ITGB3: variants seen among roughly 807,000 people sequenced by gnomAD.
The protein encoded by ITGB3 is integrin subunit beta 3.
A neutral mutation model predicts 85.8 loss-of-function variants in ITGB3; 48 were observed. The ratio of observed to expected loss-of-function variants is 0.56; its 90% confidence interval spans 0.44 to 0.71. ITGB3 has a LOEUF of 0.71. Ranked by LOEUF, ITGB3 falls within the 30% of genes least tolerant of loss-of-function variation. The probability of loss-of-function intolerance (pLI) is 0.00; values close to 1 mark genes in which losing one functional copy is unlikely to be tolerated. For synonymous variants in ITGB3, 363 were observed against 395.6 expected (o/e 0.92, Z 0.98); for missense variants, 861 against 1,019.1 (o/e 0.84, Z 2.11).
chr17:47,269,431 C>G (rs948051762), intron 1 of ITGB3, among the ~76,000 whole-genome samples: 6 of 152,136 alleles, frequency 3.9e-5, no homozygotes, highest in African/African-American at 1.4e-4. Context: ...GACAGATCCC[C>G]TAAATCATCT....
At chr17:47,275,638 A>G (rs2065060888) in intron 2 of ITGB3, among the ~76,000 whole-genome samples, 1 of 151,926 alleles carries the variant, frequency 6.6e-6, no homozygotes, top group African/African-American at 2.4e-5. Flanking sequence ...TAAAAAGGCA[A>G]CCTCCCTGGC....
intron 1 of ITGB3, among the ~76,000 whole-genome samples, chr17:47,272,056 AT>A (rs58156465): frequency 0.089 from 9,206 of 103,240 alleles, 428 homozygotes; most frequent in East Asian, 0.29. Flanking sequence ...CACCGGGGCT[AT>A]TTTTTTTTTT....
At chr17:47,269,921 T>A (rs370183143) in intron 1 of ITGB3, among the ~76,000 whole-genome samples, 4 of 152,316 alleles carry the variant, frequency 2.6e-5, no homozygotes, top group Admixed American at 6.5e-5. Flanking sequence ...TGACTCACAG[T>A]TTAGCATGGC....
intron 2 of ITGB3, among the ~76,000 whole-genome samples, chr17:47,280,856 A>G (rs1275469854): frequency 7.2e-5 from 11 of 151,992 alleles, no homozygotes. Flanking sequence ...TTCCTTCCAC[A>G]CTTTTCCTTT....
intron 1 of ITGB3, among the ~76,000 whole-genome samples, chr17:47,268,826 C>G (rs1305621490): frequency 6.6e-6 from 1 of 152,212 alleles, no homozygotes; most frequent in South Asian, 2.1e-4. Context: ...GTGGGGGGCT[C>G]TATGTGGGGG....
In ITGB3 at chr17:47,292,244, A is replaced by C. The variant is rs1598694640; in HGVS notation, c.1366A>C (p.Thr456Pro). The C allele has an allele frequency of 8.1e-6, 13 of 1,614,190 alleles. No homozygotes were observed. Among genetic ancestry groups the C allele is most frequent in the Non-Finnish European group, 1.1e-5 (13 of 1,180,018 alleles). Residue 456 changes from threonine to proline, a missense_variant, in exon 10 of 15, where the codon ACC (threonine) becomes CCC (proline). Transcript: ENST00000559488. ...GFKDSLIVQV[T>P]FDCDCACQAQ... ...CAAGGACAGCCTGATCGTCCAGGTC[A>C]CCTTTGATTGTGACTGTGCCTGCCA... is the stretch of plus-strand genomic sequence containing the variant.
At chr17:47,283,613 G>A in intron 3 of ITGB3, 64 bp downstream of exon 3, 1 of 1,498,340 alleles carries the variant, frequency 6.7e-7, no homozygotes, top group Non-Finnish European at 9.3e-7. Context: ...CAAGGTGGAG[G>A]TCTGAGGAGG....
chr17:47,280,893 G>A (rs1192283915), intron 2 of ITGB3, among the ~76,000 whole-genome samples: 1 of 152,050 alleles, frequency 6.6e-6, no homozygotes, highest in Non-Finnish European at 1.5e-5. Context: ...CACTCTATAC[G>A]GAATGTAGTA....
intron 1 of ITGB3, among the ~76,000 whole-genome samples, chr17:47,265,063 G>A (rs932262657): frequency 6.6e-6 from 1 of 152,140 alleles, no homozygotes; most frequent in Non-Finnish European, 1.5e-5. Flanking sequence ...AATATTTGTC[G>A]AGTAAATGAA....
intron 1 of ITGB3, 109 bp downstream of exon 1, chr17:47,254,049 C>G (rs2064978267): frequency 1.5e-6 from 1 of 681,486 alleles, no homozygotes; most frequent in Non-Finnish European, 2.1e-6. Context: ...CGCGCGTCTG[C>G]GCTGGGAATG....
At chr17:47,288,643 C>G (rs1226434820) in intron 6 of ITGB3, among the ~76,000 whole-genome samples, 1 of 152,132 alleles carries the variant, frequency 6.6e-6, no homozygotes, top group African/African-American at 2.4e-5. Flanking sequence ...TTCACCACCG[C>G]CCCCGCACAG....
chr17:47,305,063 T>C (rs2065182329), intron 13 of ITGB3, among the ~76,000 whole-genome samples: 1 of 152,174 alleles, frequency 6.6e-6, no homozygotes, highest in African/African-American at 2.4e-5. Flanking sequence ...CCCAAACTCC[T>C]TTCAGGACAC....
chr17:47,290,274 G>A lies in ITGB3; in HGVS notation c.1125G>A (p.Gly375=). The change falls in exon 8 of 15, where the codon GGG becomes GGA. Residue 375 remains glycine (G), a splice_region_variant and synonymous_variant. Transcript: ENST00000559488. ...TCCAGCTCATTGTTGATGCTTATGG[G>A]GTAAGTGTCTTGTGCTGGGAATAGT... ...NVLQLIVDAY[G]KIRSKVELEV... 1 of 1,612,724 alleles carries A rather than the reference G, an allele frequency of 6.2e-7. No individual in the cohort carries two copies. The highest frequency in any genetic ancestry group is 1.1e-5 in the South Asian group (1 of 91,044).
chr17:47,264,444 A>G (rs1014969437), intron 1 of ITGB3, among the ~76,000 whole-genome samples: 3 of 152,172 alleles, frequency 2.0e-5, no homozygotes, highest in Non-Finnish European at 2.9e-5. Flanking sequence ...TGCCTGGATT[A>G]TTTTAGTACA....
chr17:47,259,818 G>C (rs2065002996), intron 1 of ITGB3, among the ~76,000 whole-genome samples: 1 of 152,174 alleles, frequency 6.6e-6, no homozygotes. Flanking sequence ...AGAATCGCTT[G>C]AACCCAGGAG....
chr17:47,308,189 A>ATAATAATAATAATAATAATAAT (rs1555574002), intron 14 of ITGB3, among the ~76,000 whole-genome samples: 8 of 134,188 alleles, frequency 6.0e-5, no homozygotes, highest in Non-Finnish European at 1.3e-4. Context: ...AATAATAATA[A>ATAATAATAATAATAATAATAAT]AATAAAATAA....
intron 2 of ITGB3, chr17:47,279,443 C>T (rs1158155017): frequency 2.0e-5 from 3 of 152,142 alleles, no homozygotes; most frequent in African/African-American, 4.8e-5. Context: ...AGAGGGCTCT[C>T]GTGGAGAGCT....
chr17:47,283,280 G>A (rs2065090094), intron 2 of ITGB3, 74 bp from the exon 3 acceptor site: 1 of 1,418,934 alleles, frequency 7.0e-7, no homozygotes, highest in Non-Finnish European at 9.9e-7. Context: ...ATTGGGAAGT[G>A]GTAGGGCCTG....
Position 47,310,378 on chromosome 17 carries a change from CTG to C in ITGB3, c.*180_*181del. Reference sequence around the variant, plus strand: ...GGTCTGTGTGTGTGTATGTGGGGGTCTGTGTGTTTATGTGTGTGTGTTGTGTG... The same window carrying C: ...GGTCTGTGTGTGTGTATGTGGGGGTCTGTGTTTATGTGTGTGTGTTGTGTG... On this transcript the variant is annotated 3_prime_UTR_variant, in exon 15 of 15. Transcript: ENST00000559488. 1.4e-6 allele frequency: 1 copy of C among 696,730 alleles called. No individual in the cohort carries two copies. Among genetic ancestry groups the C allele is most frequent in the Non-Finnish European group, 2.6e-6 (1 of 383,604 alleles). The allele number at this position is 696,730 out of a possible 1,614,324, so 43.2% of individuals were successfully genotyped here. A position where few individuals can be genotyped will look rare whatever the true frequency, so the allele number is the denominator to read the frequency against.
Sources: gnomAD v4.1 joint callset for allele counts (sites outside exome capture counted in the v4.1 genomes callset) on GRCh38, gnomAD v4.1.1 for gene constraint, MANE v1.5 for transcripts, NCBI Gene and HGNC (gene_info 2026-07-23, HGNC 2026-07-21) for gene names.